Variants in ADGRD1 observed in about 807,000 individuals in gnomAD.
ADGRD1 encodes G-protein coupled receptor 133.
ADGRD1 carries 77 observed loss-of-function variants against 113.4 expected under a neutral mutation model. The ratio of observed to expected loss-of-function variants is 0.68; its 90% CI spans 0.57 to 0.82. The LOEUF (loss-of-function observed/expected upper bound fraction) is 0.82, where lower values mean the gene tolerates loss of function less well. ADGRD1 is among the 40% of genes least tolerant of loss of function. The pLI, the probability that ADGRD1 is intolerant of heterozygous loss-of-function variation, is 0.00. For synonymous variants in ADGRD1, 474 were observed against 475.0 expected, an observed-to-expected ratio of 1.00 and a Z score of 0.03; for missense variants, 1,036 against 1,139.1, an observed-to-expected ratio of 0.91 and a Z score of 1.30.
Position 131,125,656 on chromosome 12 carries a change from A to G in ADGRD1, c.2175+4743A>G, listed in dbSNP as rs1462844424. Among the ~76,000 whole-genome samples the G allele has an allele frequency of 3.3e-5, 5 of 152,242 alleles. No homozygotes were observed. In the East Asian group the frequency reaches 7.7e-4, roughly 23 times the overall value. The stretch of plus-strand genomic sequence containing the variant: ...TATAGATGCATAGGTACAGATAAGC[A>G]TAAATATAGATACAGATATATACAG... On this transcript the variant is annotated intron_variant, in intron 20 of 24. Transcript: ENST00000261654.
intron 13 of ADGRD1, among the ~76,000 whole-genome samples, chr12:131,073,788 A>C (rs1019615436): frequency 5.3e-5 from 8 of 152,200 alleles, no homozygotes; most frequent in Admixed American, 4.6e-4. Context: ...AGAGACTGCA[A>C]GAGCGAGTCG....
intron 13 of ADGRD1, chr12:131,069,309 G>A (rs1274301577): frequency 6.6e-6 from 1 of 152,174 alleles, no homozygotes; most frequent in Non-Finnish European, 1.5e-5. Context: ...TGAGTAACAT[G>A]GTGGGTCACG....
chr12:130,964,036 T>G (rs1306600264), intron 2 of ADGRD1, among the ~76,000 whole-genome samples: 1 of 152,218 alleles, frequency 6.6e-6, no homozygotes, highest in East Asian at 1.9e-4. Context: ...TGGGCATCAC[T>G]TGATATATTT....
At chr12:130,992,184 T>C (rs1470332129) in intron 7 of ADGRD1, 53 bp from the exon 8 acceptor site, 5 of 1,399,576 alleles carry the variant, frequency 3.6e-6, no homozygotes, top group Non-Finnish European at 5.0e-6. Context: ...AACTTCTGTA[T>C]AATATTTTGG....
intron 13 of ADGRD1, among the ~76,000 whole-genome samples, chr12:131,063,739 C>G (rs1228746449): frequency 2.6e-5 from 4 of 152,184 alleles, no homozygotes; most frequent in African/African-American, 9.7e-5. Context: ...TCACGTTATT[C>G]TTCTTTTACG....
intron 14 of ADGRD1, among the ~76,000 whole-genome samples, chr12:131,082,480 G>A (rs770882328): frequency 5.3e-5 from 8 of 152,150 alleles, no homozygotes; most frequent in Non-Finnish European, 1.0e-4. Context: ...CCATCTGAGC[G>A]ATGTGACTTT....
Position 131,108,893 on chromosome 12 carries a change from C to A in ADGRD1, c.2041+16C>A. On this transcript the variant is annotated intron_variant, in intron 18 of 24. Coordinates refer to ENST00000261654, the MANE Select transcript of ADGRD1 (RefSeq NM_198827.5). ...ATGGGATGGGGTAGGTGGGGCAGGG[C>A]AGGTGGGATGGCGGGGCGGGAGGGA... 8 of 1,123,412 alleles carry A rather than the reference C, an allele frequency of 7.1e-6. No individual in the cohort carries two copies. Among genetic ancestry groups the A allele is most frequent in the South Asian group, 5.4e-5 (3 of 55,584 alleles). The allele number at this position is 1,123,412 out of a possible 1,614,324, so 69.6% of individuals were successfully genotyped here.
At chr12:131,071,693 C>T (rs1169194582) in intron 13 of ADGRD1, among the ~76,000 whole-genome samples, 2 of 152,170 alleles carry the variant, frequency 1.3e-5, no homozygotes, top group South Asian at 2.1e-4. Context: ...CCAGGAGGCC[C>T]GAGGAAGGAG....
intron 9 of ADGRD1, among the ~76,000 whole-genome samples, chr12:131,000,863 C>T (rs1320594842): frequency 6.6e-6 from 1 of 152,010 alleles, no homozygotes; most frequent in African/African-American, 2.4e-5. Context: ...CAGTCACATC[C>T]ACAAAAAGAA....
rs1165715777 is a variant in ADGRD1, at chr12:131,057,559, G to GCCTGC, written c.1474-19241_1474-19237dup. Reference sequence around the variant, plus strand: ...CCCTGCCTGTCTCCTAGTAGTCCTGGCCTGCGGCAGCCAACTCCAGTCTCT... The same window carrying GCCTGC: ...CCCTGCCTGTCTCCTAGTAGTCCTGGCCTGCCCTGCGGCAGCCAACTCCAGTCTCT... On this transcript the variant is annotated intron_variant, in intron 13 of 24. Coordinates refer to ENST00000261654, the MANE Select transcript of ADGRD1 (RefSeq NM_198827.5). This position sits in a 1 kb window ranked among gnomAD's most constrained non-coding sequence, Gnocchi z 4.2. Among the ~76,000 whole-genome samples the GCCTGC allele has an allele frequency of 2.0e-5, 3 of 152,152 alleles. No homozygotes were observed. Among genetic ancestry groups the GCCTGC allele is most frequent in the Non-Finnish European group, 4.4e-5 (3 of 68,022 alleles).
chr12:131,091,016 A>G (rs1886871158), intron 15 of ADGRD1, among the ~76,000 whole-genome samples: 2 of 152,102 alleles, frequency 1.3e-5, no homozygotes, highest in Non-Finnish European at 2.9e-5. Context: ...CAAGCAGGGG[A>G]ACGAACCCCT....
chr12:130,990,221 G>C (rs1442330434), intron 6 of ADGRD1: 1 of 152,298 alleles, frequency 6.6e-6, no homozygotes, highest in East Asian at 1.9e-4. Context: ...CACCTTCTGC[G>C]TTCACCAGCA....
intron 4 of ADGRD1, among the ~76,000 whole-genome samples, chr12:130,975,231 G>A (rs1033126819): frequency 2.0e-5 from 3 of 152,140 alleles, no homozygotes; most frequent in Admixed American, 2.0e-4. Context: ...CTCCAGTCCA[G>A]GTGAGTTCCT....
At chr12:130,969,945 G>A (rs1871420749) in intron 3 of ADGRD1, 1 of 151,986 alleles carries the variant, frequency 6.6e-6, no homozygotes, top group South Asian at 2.1e-4. Flanking sequence ...CTTTGGGGGA[G>A]GAAAAGCATG....
intron 13 of ADGRD1, among the ~76,000 whole-genome samples, chr12:131,072,426 C>G (rs1403247620): frequency 6.6e-6 from 1 of 152,164 alleles, no homozygotes; most frequent in South Asian, 2.1e-4. Context: ...CTGGTGCGTC[C>G]CAGGTGGCCA....
chr12:130,959,861 T>C (rs905400578), intron 2 of ADGRD1, among the ~76,000 whole-genome samples: 14 of 152,204 alleles, frequency 9.2e-5, no homozygotes, highest in Non-Finnish European at 1.9e-4. Flanking sequence ...TAGATGGTCA[T>C]TCTGGAGGCA....
intron 19 of ADGRD1, among the ~76,000 whole-genome samples, chr12:131,119,089 G>T (rs374425049): frequency 6.6e-6 from 1 of 152,186 alleles, no homozygotes; most frequent in African/African-American, 2.4e-5. Flanking sequence ...TTCCTTACAA[G>T]TAAAAGAGCT....
rs773512450 is a variant in ADGRD1 at position 131,108,064 on chromosome 12, C to T, written c.1888-660C>T. ...GCACTGTGCAGGGCCCAACTCTCTC[C>T]GTCCTGGGCACCTGGGGCCTCCAGG... On this transcript the variant is annotated intron_variant, in intron 17 of 24. Coordinates refer to ENST00000261654, the MANE Select transcript of ADGRD1 (RefSeq NM_198827.5). 6.1e-4 allele frequency among the ~76,000 whole-genome samples: 93 copies of T among 152,162 alleles called. 1 individual carries two copies. The highest frequency in any genetic ancestry group is 7.9e-4 in the Non-Finnish European group (54 of 68,016).
chr12:131,130,529 C>T (rs566634727), intron 20 of ADGRD1, among the ~76,000 whole-genome samples: 38 of 152,340 alleles, frequency 2.5e-4, no homozygotes, highest in African/African-American at 8.9e-4. Context: ...GCGGAGGGCT[C>T]CTGCTGATTC....
Sources: gnomAD v4.1 joint callset for allele counts (sites outside exome capture counted in the v4.1 genomes callset) on GRCh38, gnomAD v4.1.1 for gene constraint, Gnocchi (gnomAD v3.1) non-coding constraint, MANE v1.5 for transcripts, NCBI Gene and HGNC (gene_info 2026-07-23, HGNC 2026-07-21) for gene names.